The following RPS6KA2 variants were observed in gnomAD, a reference collection of about 807,000 sequenced individuals.
RPS6KA2 encodes the protein ribosomal protein S6 kinase alpha-2.
A neutral mutation model predicts 91.8 loss-of-function variants in RPS6KA2; 42 were observed. The observed-to-expected ratio is 0.46, with a 90% CI of 0.36 to 0.59. The LOEUF is 0.59. Among genes scored for constraint, RPS6KA2 ranks in the 20% least tolerant of loss-of-function variants. RPS6KA2 has a pLI of 0.00. For synonymous variants in RPS6KA2, 414 were observed against 393.6 expected (o/e 1.05, Z -0.61); for missense variants, 798 against 978.5 (o/e 0.82, Z 2.46).
chr6:166,562,319 A>T (rs1784369232), intron 1 of RPS6KA2, among the ~76,000 whole-genome samples: 1 of 152,218 alleles, frequency 6.6e-6, no homozygotes, highest in African/African-American at 2.4e-5. Context: ...GGCATTAACC[A>T]GTGTTGGTGA....
intron 2 of RPS6KA2, among the ~76,000 whole-genome samples, chr6:166,744,073 C>A (rs904723094): frequency 6.6e-6 from 1 of 152,156 alleles, no homozygotes; most frequent in Non-Finnish European, 1.5e-5. Flanking sequence ...ACCCTGAGCA[C>A]CTGAGTATCC....
At chr6:166,758,463 C>T (rs185306334) in intron 2 of RPS6KA2, among the ~76,000 whole-genome samples, 99 of 152,372 alleles carry the variant, frequency 6.5e-4, no homozygotes, top group African/African-American at 2.2e-3. Context: ...CCATGGAGCC[C>T]TGCCTTGGTT....
At chr6:166,683,559 A>G (rs554738287) in intron 2 of RPS6KA2, among the ~76,000 whole-genome samples, 31 of 152,378 alleles carry the variant, frequency 2.0e-4, no homozygotes, top group Middle Eastern at 6.8e-3. Context: ...GAATAAATCA[A>G]TGATTCATCT....
At chr6:166,723,992 G>A (rs1325140670) in intron 2 of RPS6KA2, among the ~76,000 whole-genome samples, 1 of 152,054 alleles carries the variant, frequency 6.6e-6, no homozygotes, top group East Asian at 1.9e-4. Context: ...GAGCCACTGT[G>A]CCTGGCCCCT....
intron 2 of RPS6KA2, among the ~76,000 whole-genome samples, chr6:166,850,242 G>A (rs952093848): frequency 5.3e-5 from 8 of 151,812 alleles, no homozygotes; most frequent in African/African-American, 1.9e-4. Flanking sequence ...AATACCTGAA[G>A]GATAACAAAC....
intron 2 of RPS6KA2, among the ~76,000 whole-genome samples, chr6:166,712,531 T>C (rs1789893127): frequency 6.6e-6 from 1 of 152,232 alleles, no homozygotes; most frequent in African/African-American, 2.4e-5. Flanking sequence ...GGGTTCTTGC[T>C]ATAACTCAGT....
intron 2 of RPS6KA2, chr6:166,757,659 C>G (rs995471482): frequency 1.5e-5 from 7 of 454,942 alleles, no homozygotes; most frequent in African/African-American, 1.4e-4. Flanking sequence ...CCTTTTATCA[C>G]CTTGTGGGCT....
chr6:166,814,679 G>A (rs1490393600), intron 2 of RPS6KA2, among the ~76,000 whole-genome samples: 1 of 152,176 alleles, frequency 6.6e-6, no homozygotes, highest in Non-Finnish European at 1.5e-5. Flanking sequence ...CAGGTCAGTG[G>A]CAGCATTAGA....
At chr6:166,651,359 G>A (rs1169388848) in intron 2 of RPS6KA2, among the ~76,000 whole-genome samples, 2 of 152,150 alleles carry the variant, frequency 1.3e-5, no homozygotes, top group African/African-American at 4.8e-5. Context: ...TCAATGCACA[G>A]GATTATGTAA....
At chr6:166,658,283 C>T (rs1249962251) in intron 2 of RPS6KA2, among the ~76,000 whole-genome samples, 1 of 152,150 alleles carries the variant, frequency 6.6e-6, no homozygotes, top group Non-Finnish European at 1.5e-5. Context: ...AGGGTGCATC[C>T]GTGACTATGC....
chr6:166,834,255 G>A (rs946485525), intron 2 of RPS6KA2, among the ~76,000 whole-genome samples: 30 of 152,026 alleles, frequency 2.0e-4, no homozygotes, highest in African/African-American at 4.1e-4. Context: ...AGTATCTCAC[G>A]GTGGTTTTAA....
At chr6:166,824,805 CTATG>C (rs1780004265) in intron 2 of RPS6KA2, among the ~76,000 whole-genome samples, 1 of 20,026 alleles carries the variant, frequency 5.0e-5, no homozygotes, top group African/African-American at 1.3e-4. Context: ...GTCTGTGTGT[CTATG>C]TGTGTCTGTG....
intron 1 of RPS6KA2, among the ~76,000 whole-genome samples, chr6:166,562,738 C>G (rs1028664748): frequency 1.3e-5 from 2 of 152,190 alleles, no homozygotes; most frequent in Admixed American, 6.5e-5. Context: ...AGGTTTATCC[C>G]AGGTGCTGGA....
chr6:166,824,461 T>C (rs372858725), intron 2 of RPS6KA2, among the ~76,000 whole-genome samples: 1 of 152,226 alleles, frequency 6.6e-6, no homozygotes, highest in Non-Finnish European at 1.5e-5. Context: ...TCTGTGGCAG[T>C]TTTCACTTAA....
chr6:166,812,625 G>A (rs1466203741), intron 2 of RPS6KA2, among the ~76,000 whole-genome samples: 5 of 152,134 alleles, frequency 3.3e-5, no homozygotes, highest in African/African-American at 1.2e-4. Flanking sequence ...TGGCCACGTG[G>A]CCTCAAGCTC....
Position 166,557,936 on chromosome 6 carries a change from G to A in RPS6KA2, c.100-19152C>T, listed in dbSNP as rs1049415246. ...AGGTGATATGTGTGTATGTGTGTGGGTGTGGGTGTGTATAGAGATGTATAT... is the reference window on the plus strand; with the variant it reads ...AGGTGATATGTGTGTATGTGTGTGGATGTGGGTGTGTATAGAGATGTATAT... On this transcript the variant is annotated intron_variant, in intron 1 of 20. Coordinates refer to ENST00000265678, the MANE Select transcript of RPS6KA2 (RefSeq NM_021135.6). The surrounding 1 kb of genome is among the most constrained non-coding windows in gnomAD (Gnocchi z 4.8). 2.0e-5 allele frequency among the ~76,000 whole-genome samples: 3 copies of A among 152,122 alleles called. No individual in the cohort carries two copies. Among genetic ancestry groups the A allele is most frequent in the African/African-American group, 7.2e-5 (3 of 41,492 alleles).
chr6:166,702,051 T>C, intron 2 of RPS6KA2: 3 of 1,142,262 alleles, frequency 2.6e-6, no homozygotes, highest in Non-Finnish European at 2.7e-6. Context: ...ATCTCCAGAA[T>C]AGACTTACAA....
chr6:166,473,642 G>A (rs1326191122), intron 10 of RPS6KA2, among the ~76,000 whole-genome samples: 1 of 152,186 alleles, frequency 6.6e-6, no homozygotes, highest in Non-Finnish European at 1.5e-5. Context: ...CATTGTGTCT[G>A]TATATCCACA....
chr6:166,696,815 C>T (rs1789372746), intron 2 of RPS6KA2, among the ~76,000 whole-genome samples: 1 of 152,220 alleles, frequency 6.6e-6, no homozygotes. Flanking sequence ...TGAGCTGGGG[C>T]AGCAATCTTT....
Sources: gnomAD v4.1 joint callset for allele counts (sites outside exome capture counted in the v4.1 genomes callset) on GRCh38, gnomAD v4.1.1 for gene constraint, Gnocchi (gnomAD v3.1) non-coding constraint, MANE v1.5 for transcripts, NCBI Gene and HGNC (gene_info 2026-07-23, HGNC 2026-07-21) for gene names.